Variants in ADCY3 observed in about 807,000 individuals in gnomAD.
ADCY3 encodes the protein adenylate cyclase 3.
A neutral mutation model predicts 119.4 loss-of-function variants in ADCY3; 70 were observed. The ratio of observed to expected loss-of-function variants is 0.59; its 90% CI spans 0.48 to 0.72. ADCY3 has a LOEUF of 0.72. Ranked by LOEUF, ADCY3 falls within the 30% of genes least tolerant of loss-of-function variation. ADCY3 has a pLI of 0.00. For synonymous variants in ADCY3, 672 were observed against 621.4 expected, an observed-to-expected ratio of 1.08 and a Z score of -1.21; for missense variants, 1,238 against 1,541.6, an observed-to-expected ratio of 0.80 and a Z score of 3.30.
chr2:24,896,384 C>CA (rs57986345), intron 2 of ADCY3, among the ~76,000 whole-genome samples: 117 of 142,292 alleles, frequency 8.2e-4, no homozygotes, highest in Non-Finnish European at 8.7e-4. Context: ...GATTCTGTTA[C>CA]AAAAAAAAAA....
intron 2 of ADCY3, among the ~76,000 whole-genome samples, chr2:24,911,217 CTTTTTT>C (rs61442701): frequency 8.6e-5 from 8 of 93,476 alleles, no homozygotes; most frequent in Non-Finnish European, 1.6e-4. Context: ...TATAAGGGTT[CTTTTTT>C]TTTTTTTTTT....
In ADCY3 at chr2:24,834,653, T is replaced by TGGGAACAAGCCCC; in HGVS notation, c.1806-20_1806-8dup. On this transcript the variant is annotated splice_region_variant and splice_polypyrimidine_tract_variant and intron_variant, in intron 10 of 21. Coordinates refer to ENST00000679454, the MANE Select transcript of ADCY3 (RefSeq NM_004036.5). This position sits in a 1 kb window ranked among gnomAD's most constrained non-coding sequence, Gnocchi z 4.2. ...GGTGTTTCTCTTCTTTACTCTGCAGTGGGAACAAGCCCCATGAATCCCAAA... is the reference window on the plus strand; with the variant it reads ...GGTGTTTCTCTTCTTTACTCTGCAGTGGGAACAAGCCCCGGGAACAAGCCCCATGAATCCCAAA... 6.2e-7 allele frequency: 1 copy of TGGGAACAAGCCCC among 1,613,440 alleles called. No homozygotes were observed. The highest frequency in any genetic ancestry group is 8.5e-7 in the Non-Finnish European group (1 of 1,179,538).
intron 11 of ADCY3, among the ~76,000 whole-genome samples, chr2:24,833,261 C>T (rs545356492): frequency 2.6e-5 from 4 of 152,060 alleles, no homozygotes; most frequent in South Asian, 4.1e-4. Flanking sequence ...GTAGGAGGCC[C>T]CACGTCTGTG....
chr2:24,849,024 T>C (rs893354506), intron 3 of ADCY3, among the ~76,000 whole-genome samples: 15 of 152,114 alleles, frequency 9.9e-5, no homozygotes, highest in Non-Finnish European at 1.9e-4. Context: ...GTGAGGAGCA[T>C]GGGGAGGCGT....
chr2:24,878,159 A>G lies in ADCY3; in HGVS notation c.676-5440T>C, dbSNP rs1675946403. On this transcript the variant is annotated intron_variant, in intron 2 of 21. Transcript: ENST00000679454. This position sits in a 1 kb window ranked among gnomAD's most constrained non-coding sequence, Gnocchi z 4.0. ...TAAAATATACAACATTTTTAGAATA[A>G]TAAAATGCATCTCCCAAATGGATAA... is the stretch of plus-strand genomic sequence containing the variant. 1 of 261,466 alleles carries G rather than the reference A, an allele frequency of 3.8e-6. No individual in the cohort carries two copies. The highest frequency in any genetic ancestry group is 7.7e-6 in the Non-Finnish European group (1 of 129,122). The allele number at this position is 261,466 out of a possible 1,614,324, so 16.2% of individuals were successfully genotyped here.
intron 3 of ADCY3, among the ~76,000 whole-genome samples, chr2:24,849,849 T>G (rs1396142587): frequency 6.6e-6 from 1 of 152,122 alleles, no homozygotes; most frequent in Admixed American, 6.5e-5. Context: ...CCTCTGAATG[T>G]GTCTCCCAGG....
At chr2:24,840,567 G>T (rs1260779787) in intron 6 of ADCY3, 1 of 468,064 alleles carries the variant, frequency 2.1e-6, no homozygotes, top group South Asian at 1.6e-5. Context: ...TCGGAGAAGG[G>T]GGTAAAGAGC....
intron 11 of ADCY3, 106 bp from the exon 12 acceptor site, chr2:24,831,855 C>T (rs1379075317): frequency 4.4e-4 from 44 of 100,924 alleles, no homozygotes; most frequent in Non-Finnish European, 6.5e-4. Context: ...CAGGGGACAG[C>T]GGACAGGGGG....
chr2:24,849,732 G>A (rs754641984), intron 3 of ADCY3, among the ~76,000 whole-genome samples: 2 of 152,256 alleles, frequency 1.3e-5, no homozygotes, highest in East Asian at 1.9e-4. Context: ...AAGGACACAC[G>A]GAACCTGACA....
At chr2:24,820,474 A>ACACACAAG in intron 21 of ADCY3, 3 of 1,386,176 alleles carry the variant, frequency 2.2e-6, no homozygotes, top group Non-Finnish European at 2.8e-6. Flanking sequence ...ACAAGGTATT[A>ACACACAAG]GAAGGTTCAT....
chr2:24,845,062 T>G (rs941423291), intron 3 of ADCY3, among the ~76,000 whole-genome samples: 2 of 152,252 alleles, frequency 1.3e-5, no homozygotes, highest in African/African-American at 4.8e-5. Flanking sequence ...CCTCCCGCCA[T>G]GATTCTGAGG....
intron 13 of ADCY3, among the ~76,000 whole-genome samples, chr2:24,829,047 C>T (rs548267341): frequency 3.9e-4 from 59 of 149,890 alleles, no homozygotes; most frequent in African/African-American, 1.3e-3. Context: ...GATGGAGTCT[C>T]GCTCTGTCGC....
At position 24,876,599 on chromosome 2, in the gene ADCY3, GAGCTGGCCCTA is replaced by G. The variant is rs1363948244; in HGVS notation, c.676-3891_676-3881del. Among the ~76,000 whole-genome samples the G allele has an allele frequency of 1.3e-5, 2 of 152,176 alleles. 1 individual carries two copies. Among genetic ancestry groups the G allele is most frequent in the Non-Finnish European group, 2.9e-5 (2 of 68,024 alleles). ...ACTCTTTCAGCATGAGCAGGGCCCT[GAGCTGGCCCTA>G]GGAGGGACGGTGGCGTGACATCGTC... On this transcript the variant is annotated intron_variant, in intron 2 of 21. Transcript: ENST00000679454.
At position 24,899,271 on chromosome 2, in the gene ADCY3, C is replaced by T. The variant is rs1043224041; in HGVS notation, c.675+19042G>A. Among the ~76,000 whole-genome samples, 1 of 152,230 alleles carries T rather than the reference C, an allele frequency of 6.6e-6. No homozygotes were observed. Among genetic ancestry groups the T allele is most frequent in the African/African-American group, 2.4e-5 (1 of 41,462 alleles). On this transcript the variant is annotated intron_variant, in intron 2 of 21. Transcript: ENST00000679454. This position sits in a 1 kb window ranked among gnomAD's most constrained non-coding sequence, Gnocchi z 4.5. ...TCCTGGCACACCGCCTCCTTCTCCCCAAACCACCATCCGCTCTTCTGCCCT... is the reference window on the plus strand; with the variant it reads ...TCCTGGCACACCGCCTCCTTCTCCCTAAACCACCATCCGCTCTTCTGCCCT...
intron 3 of ADCY3, among the ~76,000 whole-genome samples, chr2:24,861,193 G>A (rs972502803): frequency 3.4e-5 from 5 of 148,956 alleles, no homozygotes; most frequent in Admixed American, 2.7e-4. Context: ...GGAGGTTGTA[G>A]TGAGCCAAGA....
At chr2:24,895,330 G>A (rs759528729) in intron 2 of ADCY3, among the ~76,000 whole-genome samples, 18 of 151,990 alleles carry the variant, frequency 1.2e-4, no homozygotes, top group Middle Eastern at 3.4e-3. Flanking sequence ...ATTGTGATCC[G>A]CCCACCTCAG....
rs765349339 is a variant in ADCY3 at position 24,841,231 on chromosome 2, G to C, written c.1196+28C>G. ...CAGGGCCGGGGCCCTTGCTCTGGGA[G>C]CCTCCCTCCCAGAGGCATCCCACTT... On this transcript the variant is annotated intron_variant, in intron 6 of 21. Transcript: ENST00000679454. The surrounding 1 kb of genome is among the most constrained non-coding windows in gnomAD (Gnocchi z 5.8). 2 of 1,536,980 alleles carry C rather than the reference G, an allele frequency of 1.3e-6. No homozygotes were observed. Among genetic ancestry groups the C allele is most frequent in the African/African-American group, 2.7e-5 (2 of 72,918 alleles).
rs769328260 is a variant in ADCY3 at position 24,838,571 on chromosome 2, A to C, written c.1407T>G (p.Asp469Glu). The change falls in exon 8 of 22, where the codon GAT (aspartate) becomes GAG (glutamate). Residue 469 changes from aspartate (D) to glutamate (E), a missense_variant. Physicochemically the swap from Asp to Glu is conservative, Grantham distance 45 (BLOSUM62 2). Coordinates refer to ENST00000679454, the MANE Select transcript of ADCY3 (RefSeq NM_004036.5). Reference protein sequence around the residue: ...STMDCLKGEFDVEPGDGGSRC... With the variant: ...STMDCLKGEFEVEPGDGGSRC... ...GGCTGCCCCCATCGCCTGGCTCCAC[A>C]TCAAACTCCCCTTTCAGGCAGTCCA... The C allele has an allele frequency of 9.3e-6, 15 of 1,614,014 alleles. No homozygotes were observed. Among genetic ancestry groups the C allele is most frequent in the Non-Finnish European group, 1.2e-5 (14 of 1,180,034 alleles).
At chr2:24,829,852 G>C (rs79838417) in intron 13 of ADCY3, among the ~76,000 whole-genome samples, 2 of 151,414 alleles carry the variant, frequency 1.3e-5, no homozygotes, top group Non-Finnish European at 2.9e-5. Context: ...ACAGCTCCAG[G>C]CATGTAGTGC....
Sources: allele counts gnomAD v4.1 joint callset (sites outside exome capture counted in the v4.1 genomes callset), GRCh38; gene constraint gnomAD v4.1.1; non-coding constraint Gnocchi (gnomAD v3.1); transcripts MANE v1.5; gene names NCBI Gene and HGNC (gene_info 2026-07-23, HGNC 2026-07-21).